The following ADAMTS17 variants were observed in gnomAD, a reference collection of about 807,000 sequenced individuals.
The protein encoded by ADAMTS17 is ADAM metallopeptidase with thrombospondin type 1 motif 17, also known as A disintegrin and metalloproteinase with thrombospondin motifs 17.
ADAMTS17 carries 113 observed loss-of-function variants against 141.5 expected under a neutral mutation model. That is an observed-to-expected ratio of 0.80 (90% confidence interval 0.69 to 0.93). The LOEUF (loss-of-function observed/expected upper bound fraction) is 0.93. ADAMTS17 is among the 40% of genes least tolerant of loss of function. ADAMTS17 has a pLI of 0.00. For synonymous variants in ADAMTS17, 768 were observed against 630.6 expected (o/e 1.22, Z -3.27); for missense variants, 1,659 against 1,517.9 (o/e 1.09, Z -1.54).
At chr15:100,258,380 G>C (rs149013248) in intron 6 of ADAMTS17, among the ~76,000 whole-genome samples, 10 of 152,242 alleles carry the variant, frequency 6.6e-5, no homozygotes, top group Non-Finnish European at 1.2e-4. Context: ...TCCAACACTT[G>C]TTATTTTCCA....
intron 7 of ADAMTS17, among the ~76,000 whole-genome samples, chr15:100,245,099 C>T (rs902421973): frequency 2.0e-5 from 3 of 152,168 alleles, no homozygotes; most frequent in Admixed American, 6.5e-5. Flanking sequence ...ACAGAAACAC[C>T]GAGAGAACAA....
At chr15:99,994,107 G>A (rs2060746787) in intron 19 of ADAMTS17, among the ~76,000 whole-genome samples, 1 of 152,146 alleles carries the variant, frequency 6.6e-6, no homozygotes, top group African/African-American at 2.4e-5. Context: ...AAAGCAGAAG[G>A]AAGCCCAGGC....
At chr15:100,131,411 A>G (rs544137564) in intron 12 of ADAMTS17, among the ~76,000 whole-genome samples, 50 of 62,994 alleles carry the variant, frequency 7.9e-4, no homozygotes, top group African/African-American at 2.0e-3. Flanking sequence ...AAGAAAAGGG[A>G]AAAATCTGGT....
At chr15:100,130,789 C>T (rs1388983278) in intron 12 of ADAMTS17, among the ~76,000 whole-genome samples, 1 of 152,164 alleles carries the variant, frequency 6.6e-6, no homozygotes, top group Non-Finnish European at 1.5e-5. Context: ...ACTGCTGACA[C>T]ACAAGGCATA....
At chr15:100,304,152 G>A (rs924490944) in intron 3 of ADAMTS17, among the ~76,000 whole-genome samples, 4 of 152,074 alleles carry the variant, frequency 2.6e-5, no homozygotes, top group Admixed American at 6.5e-5. Context: ...ATATCATCTC[G>A]AACCTCTCAG....
At chr15:100,252,627 G>A (rs941579026) in intron 7 of ADAMTS17, among the ~76,000 whole-genome samples, 8 of 152,252 alleles carry the variant, frequency 5.3e-5, no homozygotes, top group African/African-American at 1.7e-4. Context: ...AGGTCAGCCG[G>A]TACAAGTATC....
chr15:100,212,545 G>C (rs1238839155), intron 7 of ADAMTS17, among the ~76,000 whole-genome samples: 1 of 151,984 alleles, frequency 6.6e-6, no homozygotes, highest in Non-Finnish European at 1.5e-5. Context: ...ACCTCAGAAA[G>C]GTTAAAAACA....
chr15:100,263,168 T>C (rs187238698), intron 4 of ADAMTS17, among the ~76,000 whole-genome samples: 133 of 152,222 alleles, frequency 8.7e-4, no homozygotes, highest in African/African-American at 3.1e-3. Flanking sequence ...GCGACCTTCA[T>C]GAAGGGGCTG....
chr15:100,316,864 G>C (rs1395431220), intron 3 of ADAMTS17, among the ~76,000 whole-genome samples: 1 of 152,256 alleles, frequency 6.6e-6, no homozygotes, highest in African/African-American at 2.4e-5. Flanking sequence ...GTGCTGGGAA[G>C]TAGGGGCAGG....
intron 7 of ADAMTS17, among the ~76,000 whole-genome samples, chr15:100,206,054 T>C (rs1026038904): frequency 6.6e-6 from 1 of 152,232 alleles, no homozygotes; most frequent in Admixed American, 6.5e-5. Flanking sequence ...ACCCTCATTC[T>C]GACCGCTCTC....
chr15:100,340,488 C>T (rs1460711251), intron 2 of ADAMTS17, among the ~76,000 whole-genome samples: 1 of 152,200 alleles, frequency 6.6e-6, no homozygotes, highest in African/African-American at 2.4e-5. Flanking sequence ...CTGTTTCTTA[C>T]GTTTCAGCTA....
At chr15:100,105,899 G>A (rs1182083998) in intron 14 of ADAMTS17, among the ~76,000 whole-genome samples, 1 of 151,962 alleles carries the variant, frequency 6.6e-6, no homozygotes, top group Admixed American at 6.6e-5. Flanking sequence ...CATGTTAGCT[G>A]GGCTGGTCCT....
intron 20 of ADAMTS17, among the ~76,000 whole-genome samples, chr15:99,986,962 C>T (rs1310800827): frequency 3.3e-5 from 5 of 152,144 alleles, no homozygotes; most frequent in Non-Finnish European, 2.9e-5. Flanking sequence ...GATGTGTGTC[C>T]CTCATACACG....
intron 3 of ADAMTS17, among the ~76,000 whole-genome samples, chr15:100,282,426 T>G (rs769862345): frequency 1.3e-5 from 2 of 152,232 alleles, no homozygotes; most frequent in Non-Finnish European, 2.9e-5. Context: ...TACCGAGCCC[T>G]ACATCTACTA....
intron 16 of ADAMTS17, among the ~76,000 whole-genome samples, chr15:100,053,601 T>C (rs577354929): frequency 6.6e-5 from 10 of 152,310 alleles, no homozygotes; most frequent in African/African-American, 2.2e-4. Flanking sequence ...CTGGCTGCCA[T>C]CCACGTGGCT....
At chr15:100,212,719 G>C (rs1252030730) in intron 7 of ADAMTS17, among the ~76,000 whole-genome samples, 2 of 152,110 alleles carry the variant, frequency 1.3e-5, no homozygotes, top group Non-Finnish European at 2.9e-5. Flanking sequence ...ATGCTTTGTA[G>C]AATGTGCTTT....
chr15:100,274,089 T>C (rs1312837103), intron 4 of ADAMTS17, among the ~76,000 whole-genome samples: 3 of 152,238 alleles, frequency 2.0e-5, no homozygotes. Flanking sequence ...ACTTAATTTG[T>C]GACCTAACAC....
At chr15:100,200,448 C>T (rs1378686238) in intron 7 of ADAMTS17, among the ~76,000 whole-genome samples, 1 of 152,002 alleles carries the variant, frequency 6.6e-6, no homozygotes, top group African/African-American at 2.4e-5. Flanking sequence ...GGGCTCCCCA[C>T]CACAGTACTC....
At chr15:99,988,903 T>C (rs1416896294) in intron 20 of ADAMTS17, among the ~76,000 whole-genome samples, 1 of 152,186 alleles carries the variant, frequency 6.6e-6, no homozygotes, top group Non-Finnish European at 1.5e-5. Flanking sequence ...TCCCACATGT[T>C]ATTCCCATTC....
Sources: allele counts gnomAD v4.1 joint callset (sites outside exome capture counted in the v4.1 genomes callset), GRCh38; gene constraint gnomAD v4.1.1; transcripts MANE v1.5; gene names NCBI Gene and HGNC (gene_info 2026-07-23, HGNC 2026-07-21).